Variants in ARHGAP12 observed in about 807,000 individuals in gnomAD.
The protein encoded by ARHGAP12 is Rho GTPase activating protein 12.
ARHGAP12 carries 64 observed loss-of-function variants against 108.6 expected under a neutral mutation model. The observed-to-expected ratio is 0.59, with a 90% CI of 0.48 to 0.73. The LOEUF (loss-of-function observed/expected upper bound fraction) is 0.73, where lower values mean the gene tolerates loss of function less well. Ranked by LOEUF, ARHGAP12 falls within the 30% of genes least tolerant of loss-of-function variation. ARHGAP12 has a pLI of 0.00. For synonymous variants in ARHGAP12, 312 were observed against 337.2 expected (o/e 0.93, Z 0.82); for missense variants, 940 against 1,005.9 (o/e 0.93, Z 0.89).
At chr10:31,858,888 T>C (rs908099886) in intron 4 of ARHGAP12, among the ~76,000 whole-genome samples, 2 of 152,086 alleles carry the variant, frequency 1.3e-5, no homozygotes, top group Non-Finnish European at 2.9e-5. Flanking sequence ...TAAACCAGTA[T>C]GGTGCAGACA....
chr10:31,888,311 G>T (rs983566233), intron 3 of ARHGAP12, among the ~76,000 whole-genome samples: 1 of 152,132 alleles, frequency 6.6e-6, no homozygotes, highest in Non-Finnish European at 1.5e-5. Flanking sequence ...TTTGGGTGGG[G>T]TCCAATCATG....
chr10:31,852,067 T>G (rs886626374), intron 6 of ARHGAP12, among the ~76,000 whole-genome samples: 2 of 152,176 alleles, frequency 1.3e-5, no homozygotes, highest in African/African-American at 2.4e-5. Context: ...TCTTATCACA[T>G]GTTGCCTATA....
chr10:31,810,929 C>G (rs1424150570), intron 15 of ARHGAP12, among the ~76,000 whole-genome samples, 182 bp from the exon 16 acceptor site: 1 of 152,166 alleles, frequency 6.6e-6, no homozygotes, highest in Non-Finnish European at 1.5e-5. Context: ...CGTTTCCAAA[C>G]TCATACAAAC....
intron 3 of ARHGAP12, among the ~76,000 whole-genome samples, chr10:31,878,101 AGTG>A (rs1396812694): frequency 6.6e-6 from 1 of 152,208 alleles, no homozygotes; most frequent in Non-Finnish European, 1.5e-5. Flanking sequence ...TGACTAGAAA[AGTG>A]ATGATTAAGC....
intron 3 of ARHGAP12, among the ~76,000 whole-genome samples, chr10:31,892,900 C>T (rs1367611328): frequency 2.0e-5 from 3 of 152,192 alleles, no homozygotes; most frequent in Admixed American, 6.5e-5. Context: ...AACAAACTGT[C>T]TCTCAGACCA....
intron 1 of ARHGAP12, among the ~76,000 whole-genome samples, chr10:31,911,412 T>C (rs946935554): frequency 6.6e-6 from 1 of 152,182 alleles, no homozygotes; most frequent in Admixed American, 6.5e-5. Flanking sequence ...CCTCCTGGGC[T>C]CAAGCAATTT....
At chr10:31,924,956 T>G (rs1839970868) in intron 1 of ARHGAP12, among the ~76,000 whole-genome samples, 1 of 152,196 alleles carries the variant, frequency 6.6e-6, no homozygotes, top group South Asian at 2.1e-4. Flanking sequence ...GCAAAAGTTG[T>G]GAGAGTAGAA....
At chr10:31,838,948 T>C (rs542125623) in intron 9 of ARHGAP12, among the ~76,000 whole-genome samples, 1 of 151,416 alleles carries the variant, frequency 6.6e-6, no homozygotes, top group Non-Finnish European at 1.5e-5. Context: ...GGCAGGTGGT[T>C]GAGGCTGCAG....
intron 4 of ARHGAP12, among the ~76,000 whole-genome samples, chr10:31,854,546 A>T (rs1836815412): frequency 6.6e-6 from 1 of 152,204 alleles, no homozygotes; most frequent in South Asian, 2.1e-4. Context: ...AGGTGTGTGT[A>T]CACATATCTG....
In ARHGAP12 at chr10:31,859,579, A is replaced by C. The variant is rs371740978; in HGVS notation, c.948+1816T>G. On this transcript the variant is annotated intron_variant, in intron 4 of 19. Coordinates refer to ENST00000344936, the MANE Select transcript of ARHGAP12 (RefSeq NM_018287.7). ...ATATTAATCTTCATATAATTTGTAT[A>C]GAGACCAGTAATTGAGACCCTGTAT... is the stretch of plus-strand genomic sequence containing the variant. 1.3e-3 allele frequency among the ~76,000 whole-genome samples: 191 copies of C among 148,152 alleles called. 2 individuals carry two copies. The Middle Eastern group carries it at 0.014, about 11-fold the overall frequency.
intron 6 of ARHGAP12, among the ~76,000 whole-genome samples, chr10:31,850,827 T>C (rs1328673272): frequency 6.6e-6 from 1 of 152,154 alleles, no homozygotes; most frequent in South Asian, 2.1e-4. Flanking sequence ...ACTTCAAAGT[T>C]TCAAGGATAA....
chr10:31,895,465 T>C (rs1232562153), intron 3 of ARHGAP12, among the ~76,000 whole-genome samples: 2 of 152,196 alleles, frequency 1.3e-5, no homozygotes, highest in Non-Finnish European at 2.9e-5. Flanking sequence ...AGAAGACATT[T>C]ATGCAGCCAA....
At chr10:31,915,023 A>G (rs2132475842) in intron 1 of ARHGAP12, among the ~76,000 whole-genome samples, 1 of 152,326 alleles carries the variant, frequency 6.6e-6, no homozygotes, top group Non-Finnish European at 1.5e-5. Context: ...CGTTGAATGA[A>G]ATAAGCTAGG....
intron 1 of ARHGAP12, among the ~76,000 whole-genome samples, chr10:31,928,219 G>C (rs1028516597): frequency 6.6e-6 from 1 of 150,820 alleles, no homozygotes; most frequent in African/African-American, 2.4e-5. Flanking sequence ...GCAGACACAC[G>C]CGCGCGCACA....
chr10:31,836,191 T>C (rs1179228132), intron 9 of ARHGAP12, among the ~76,000 whole-genome samples: 1 of 152,148 alleles, frequency 6.6e-6, no homozygotes, highest in African/African-American at 2.4e-5. Context: ...GATTAATGCA[T>C]ATTAATACCA....
rs779463007 is a variant in ARHGAP12, at chr10:31,820,513, A to T, written c.1531-25T>A. ...ACTTCATTTTTGAAAAAGAAAAAAA[A>T]CCTTCATGTGATACTCACATATATG... On this transcript the variant is annotated intron_variant, in intron 11 of 19. Transcript: ENST00000344936. The T allele has an allele frequency of 3.3e-6, 5 of 1,501,128 alleles. No homozygotes were observed. In the African/African-American group the frequency reaches 7.1e-5, roughly 21 times the overall value. The allele number at this position is 1,501,128 out of a possible 1,614,324, so 93.0% of individuals were successfully genotyped here.
intron 19 of ARHGAP12, 25 bp downstream of exon 19, chr10:31,808,624 T>A (rs763630795): frequency 3.1e-6 from 5 of 1,606,692 alleles, no homozygotes; most frequent in Admixed American, 3.3e-5. Context: ...CTATACCACA[T>A]CCCATGACTG....
intron 9 of ARHGAP12, among the ~76,000 whole-genome samples, chr10:31,835,941 T>C (rs531294723): frequency 6.6e-6 from 1 of 152,304 alleles, no homozygotes; most frequent in East Asian, 1.9e-4. Context: ...CCACACACGT[T>C]GTAAATATAT....
intron 3 of ARHGAP12, among the ~76,000 whole-genome samples, chr10:31,869,492 A>C (rs530837963): frequency 6.6e-6 from 1 of 152,122 alleles, no homozygotes; most frequent in South Asian, 2.1e-4. Context: ...AGCCAAGACT[A>C]CACCACTGCA....
Sources: allele counts gnomAD v4.1 joint callset (sites outside exome capture counted in the v4.1 genomes callset), GRCh38; gene constraint gnomAD v4.1.1; transcripts MANE v1.5; gene names NCBI Gene and HGNC (gene_info 2026-07-23, HGNC 2026-07-21).